INO80: variants seen among roughly 807,000 people sequenced by gnomAD.
INO80 encodes the protein INO80 complex ATPase subunit.
A neutral mutation model predicts 203.4 loss-of-function variants in INO80; 20 were observed. That is an observed-to-expected ratio of 0.10 (90% CI 0.07 to 0.14). The LOEUF is 0.14. Among genes scored for constraint, INO80 ranks in the 10% least tolerant of loss-of-function variants. INO80 has a pLI of 1.00. For missense variants in INO80, 1,419 were observed against 1,914.4 expected (o/e 0.74, Z 4.83); for synonymous variants, 726 against 685.2 (o/e 1.06, Z -0.93).
chr15:41,040,904 TAAAC>T (rs1411781917), intron 24 of INO80, among the ~76,000 whole-genome samples: 3 of 151,602 alleles, frequency 2.0e-5, no homozygotes, highest in Non-Finnish European at 4.4e-5. Flanking sequence ...AATAGAAAAA[TAAAC>T]AAGAATTCTG....
intron 1 of INO80, among the ~76,000 whole-genome samples, chr15:41,110,466 G>C (rs986501076): frequency 4.6e-5 from 7 of 151,938 alleles, no homozygotes; most frequent in African/African-American, 1.7e-4. Flanking sequence ...TTTAGACAGG[G>C]TCTCGCTTGT....
intron 1 of INO80, among the ~76,000 whole-genome samples, chr15:41,101,668 G>C (rs2045809640): frequency 6.6e-6 from 1 of 151,212 alleles, no homozygotes; most frequent in South Asian, 2.1e-4. Context: ...TCCTGCCTCA[G>C]CCTCCCGAGT....
At chr15:41,070,231 A>T (rs2045288959) in intron 13 of INO80, among the ~76,000 whole-genome samples, 1 of 152,220 alleles carries the variant, frequency 6.6e-6, no homozygotes, top group Admixed American at 6.5e-5. Context: ...ACTGGTGGTA[A>T]TTAATGCAGA....
rs113407733 is a variant in INO80 at position 40,980,379 on chromosome 15, A to G, written c.4515T>C (p.Phe1505=). The G allele has an allele frequency of 8.9e-4, 1,430 of 1,614,014 alleles. 13 individuals carry two copies. In the African/African-American group the frequency reaches 0.017, roughly 19 times the overall value. The change falls in exon 36 of 36, where the codon TTT becomes TTC. Residue 1505 remains phenylalanine (F), a synonymous_variant. Coordinates refer to ENST00000648947, the MANE Select transcript of INO80 (RefSeq NM_017553.3). Reference sequence around the variant, plus strand: ...AAGGAGAAGAGGCGCTTGAAGGTCCAAAGTCAGCAAGGCCAGCAGGCCGAA... The same window carrying G: ...AAGGAGAAGAGGCGCTTGAAGGTCCGAAGTCAGCAAGGCCAGCAGGCCGAA... ...SLVRPAGLAD[F]GPSSASSPLS...
rs544670794 is a variant in INO80, at chr15:41,097,544, C to T, written c.-43-1191G>A. 5.9e-5 allele frequency among the ~76,000 whole-genome samples: 9 copies of T among 151,872 alleles called. No homozygotes were observed. The East Asian group carries it at 1.4e-3, about 23-fold the overall frequency. ...CGCTCTTGCAGTAGGGTGATCTCAG[C>T]TCACTGCAACCTCTGCCTCACAGGT... On this transcript the variant is annotated intron_variant, in intron 1 of 35. Coordinates refer to ENST00000648947, the MANE Select transcript of INO80 (RefSeq NM_017553.3).
In INO80 at chr15:41,020,856, C is replaced by T. The variant is rs1394395662; in HGVS notation, c.3274+44G>A. ...ACATGAAGATAACCCTGGTTCTCCC[C>T]TTGCCAAAGCGAGGAACACATTCCA... On this transcript the variant is annotated intron_variant, in intron 26 of 35. Transcript: ENST00000648947. 5 of 1,288,872 alleles carry T rather than the reference C, an allele frequency of 3.9e-6. No homozygotes were observed. In the African/African-American group the frequency reaches 7.3e-5, roughly 19 times the overall value. 79.8% of individuals were successfully genotyped at this position (1,288,872 alleles called of 1,614,324 possible).
At chr15:41,040,401 A>G (rs1381553538) in intron 24 of INO80, among the ~76,000 whole-genome samples, 2 of 152,226 alleles carry the variant, frequency 1.3e-5, no homozygotes, top group African/African-American at 2.4e-5. Context: ...GGAAGAGAAC[A>G]GAGTTCAGAA....
Position 41,087,641 on chromosome 15 carries a change from T to C in INO80, c.579A>G (p.Thr193=), listed in dbSNP as rs767738362. 8 of 1,613,904 alleles carry C rather than the reference T, an allele frequency of 5.0e-6. No homozygotes were observed. The South Asian group carries it at 7.7e-5, about 16-fold the overall frequency. ...YQYYSAGLLS[T]YDPFYEQQRH... is the part of the protein sequence containing the mutation. ...GTTGTTGCTCATAGAAAGGGTCATATGTGGAGAGCAGGCCTGCACTGTAGT... is the reference window on the plus strand; with the variant it reads ...GTTGTTGCTCATAGAAAGGGTCATACGTGGAGAGCAGGCCTGCACTGTAGT... The change falls in exon 6 of 36, where the codon ACA becomes ACG. Residue 193 remains threonine (T), a synonymous_variant. Coordinates refer to ENST00000648947, the MANE Select transcript of INO80 (RefSeq NM_017553.3).
At chr15:41,112,225 T>G (rs1282853700) in intron 1 of INO80, among the ~76,000 whole-genome samples, 3 of 152,140 alleles carry the variant, frequency 2.0e-5, no homozygotes, top group Non-Finnish European at 4.4e-5. Context: ...AAAATATTTT[T>G]GGGGAAGGCA....
rs148214242 is a variant in INO80 at position 40,984,595 on chromosome 15, G to A, written c.3922-243C>T. The stretch of plus-strand genomic sequence containing the variant: ...CCAACTACTTAGGCTGAGGTGGGAG[G>A]ATTACTTGAGCCCAGAAATTGGACC... On this transcript the variant is annotated intron_variant, in intron 32 of 35. Transcript: ENST00000648947. Among the ~76,000 whole-genome samples, 21 of 150,164 alleles carry A rather than the reference G, an allele frequency of 1.4e-4. 1 individual carries two copies. The East Asian group carries it at 4.1e-3, about 29-fold the overall frequency.
chr15:41,019,676 A>AT (rs1555400096), intron 26 of INO80: 1 of 152,230 alleles, frequency 6.6e-6, no homozygotes, highest in Non-Finnish European at 1.5e-5. Flanking sequence ...TTCAAACAAT[A>AT]TATTTCCACT....
intron 1 of INO80, among the ~76,000 whole-genome samples, chr15:41,098,869 ACTAG>A (rs1418094394): frequency 6.6e-6 from 1 of 152,150 alleles, no homozygotes; most frequent in Admixed American, 6.6e-5. Flanking sequence ...AAGATGTATG[ACTAG>A]CTAATAGACA....
At chr15:41,101,000 T>G (rs2045800746) in intron 1 of INO80, among the ~76,000 whole-genome samples, 1 of 151,898 alleles carries the variant, frequency 6.6e-6, no homozygotes, top group African/African-American at 2.4e-5. Context: ...CAGCTAATTT[T>G]TGTATTTTTA....
intron 1 of INO80, among the ~76,000 whole-genome samples, chr15:41,098,571 G>T (rs1430733268): frequency 3.9e-5 from 6 of 152,090 alleles, no homozygotes; most frequent in Non-Finnish European, 8.8e-5. Flanking sequence ...CTATTCGGGA[G>T]GCTGAAGTGG....
chr15:41,053,231 G>A (rs920740924), intron 19 of INO80, among the ~76,000 whole-genome samples: 2 of 152,008 alleles, frequency 1.3e-5, no homozygotes, highest in African/African-American at 4.8e-5. Flanking sequence ...TCAGCCTCCC[G>A]AGTAACTGGG....
chr15:41,059,456 C>T (rs1191471915), intron 15 of INO80, among the ~76,000 whole-genome samples: 1 of 150,982 alleles, frequency 6.6e-6, no homozygotes, highest in South Asian at 2.1e-4. Flanking sequence ...GAAACCACAT[C>T]TCTATAAAAA....
Position 40,983,933 on chromosome 15 carries a change from A to T in INO80, c.4078-12T>A. 1 of 1,613,068 alleles carries T rather than the reference A, an allele frequency of 6.2e-7. No individual in the cohort carries two copies. Among genetic ancestry groups the T allele is most frequent in the Admixed American group, 1.7e-5 (1 of 60,026 alleles). On this transcript the variant is annotated splice_polypyrimidine_tract_variant and intron_variant, in intron 33 of 35. Transcript: ENST00000648947. The stretch of plus-strand genomic sequence containing the variant: ...CTGCTGATGGAGATCTAGAAGAGGA[A>T]GGGTTAAGATCATTACGACCCCCTG...
chr15:41,101,781 A>G (rs1365164232), intron 1 of INO80, among the ~76,000 whole-genome samples: 1 of 151,748 alleles, frequency 6.6e-6, no homozygotes, highest in Non-Finnish European at 1.5e-5. Flanking sequence ...CGATCTCCTG[A>G]CCTCGTGATC....
At chr15:41,082,497 T>TC (rs1165830240) in intron 7 of INO80, among the ~76,000 whole-genome samples, 1 of 151,904 alleles carries the variant, frequency 6.6e-6, no homozygotes, top group Non-Finnish European at 1.5e-5. Context: ...GGTCAGGACT[T>TC]CAACACCAGC....
Sources: gnomAD v4.1 joint callset for allele counts (sites outside exome capture counted in the v4.1 genomes callset) on GRCh38, gnomAD v4.1.1 for gene constraint, MANE v1.5 for transcripts, NCBI Gene and HGNC (gene_info 2026-07-23, HGNC 2026-07-21) for gene names.